Variants in DNAH11 observed in about 807,000 individuals in gnomAD.
DNAH11 encodes dynein axonemal heavy chain 11.
A neutral mutation model predicts 526.0 loss-of-function variants in DNAH11; 442 were observed. That is an observed-to-expected ratio of 0.84 (90% CI 0.78 to 0.91). The LOEUF is 0.91. Among genes scored for constraint, DNAH11 ranks in the 40% least tolerant of loss-of-function variants. The probability of loss-of-function intolerance (pLI) is 0.00; values close to 1 mark genes in which losing one functional copy is unlikely to be tolerated. For synonymous variants in DNAH11, 2,461 were observed against 1,935.9 expected, an observed-to-expected ratio of 1.27 and a Z score of -7.12; for missense variants, 6,989 against 5,448.7, an observed-to-expected ratio of 1.28 and a Z score of -8.90.
At chr7:21,749,576 C>G (rs535211110) in intron 52 of DNAH11, 102 bp from the exon 53 acceptor site, 2 of 1,494,766 alleles carry the variant, frequency 1.3e-6, no homozygotes, top group East Asian at 4.6e-5. Flanking sequence ...CCCCACAGTG[C>G]TATGGCGATA....
chr7:21,569,573 C>A (rs1483914120), intron 6 of DNAH11, among the ~76,000 whole-genome samples: 1 of 152,112 alleles, frequency 6.6e-6, no homozygotes, highest in African/African-American at 2.4e-5. Flanking sequence ...TTACTTGAGC[C>A]CCCAGAAGAG....
chr7:21,884,725 C>G, intron 76 of DNAH11, among the ~76,000 whole-genome samples: 1 of 152,176 alleles, frequency 6.6e-6, no homozygotes. Flanking sequence ...CGCTGTTATT[C>G]CCTTTTCTAG....
chr7:21,866,029 G>A (rs1352340068), intron 70 of DNAH11, among the ~76,000 whole-genome samples: 1 of 152,158 alleles, frequency 6.6e-6, no homozygotes, highest in Non-Finnish European at 1.5e-5. Flanking sequence ...CTTACTGCAA[G>A]CTGTTTTATC....
At chr7:21,713,601 CT>C (rs1156844187) in intron 42 of DNAH11, among the ~76,000 whole-genome samples, 1 of 152,150 alleles carries the variant, frequency 6.6e-6, no homozygotes, top group Non-Finnish European at 1.5e-5. Context: ...ATTTCCTCTA[CT>C]TCTTGCCCAC....
At chr7:21,606,296 C>T (rs889871765) in intron 18 of DNAH11, 130 bp from the exon 19 acceptor site, 2 of 753,770 alleles carry the variant, frequency 2.7e-6, no homozygotes, top group Non-Finnish European at 4.3e-6. Context: ...GCACTCCAGC[C>T]TAGGGGATAG....
chr7:21,664,129 C>T (rs367850811), intron 30 of DNAH11, among the ~76,000 whole-genome samples: 70 of 112,202 alleles, frequency 6.2e-4, no homozygotes, highest in African/African-American at 2.1e-3. Flanking sequence ...TCTCAATTTC[C>T]CAAAGTTTTT....
chr7:21,901,406 A>AAAATACTAGAAAC lies in DNAH11; in HGVS notation c.*153_*165dup, dbSNP rs1562615351. The AAAATACTAGAAAC allele has an allele frequency of 8.9e-7, 1 of 1,121,054 alleles. No homozygotes were observed. The highest frequency in any genetic ancestry group is 3.5e-5 in the Admixed American group (1 of 28,582). 69.4% of individuals were successfully genotyped at this position (1,121,054 alleles called of 1,614,324 possible). ...CTATCCTTAGAGTGAAAGTCAGAAA[A>AAAATACTAGAAAC]AAATACTAGAAACTAACTCAGGGCT... On this transcript the variant is annotated 3_prime_UTR_variant, in exon 82 of 82. Coordinates refer to ENST00000409508, the MANE Select transcript of DNAH11 (RefSeq NM_001277115.2).
At chr7:21,642,296 T>C (rs1787165382) in intron 28 of DNAH11, among the ~76,000 whole-genome samples, 1 of 152,116 alleles carries the variant, frequency 6.6e-6, no homozygotes. Flanking sequence ...CAAATAACCA[T>C]CCAAGAGTGA....
chr7:21,691,153 CAT>C (rs1783601255), intron 35 of DNAH11, among the ~76,000 whole-genome samples: 1 of 142,940 alleles, frequency 7.0e-6, no homozygotes, highest in Admixed American at 7.2e-5. Context: ...TTATTATAAA[CAT>C]AATCTTTCAT....
At chr7:21,698,052 T>C (rs2128477093) in intron 35 of DNAH11, 23 bp from the exon 36 acceptor site, 1 of 1,592,510 alleles carries the variant, frequency 6.3e-7, no homozygotes, top group East Asian at 2.2e-5. Flanking sequence ...ATTTTAAAAC[T>C]AAAATTCTTA....
chr7:21,856,786 A>T (rs1583779045), intron 68 of DNAH11, among the ~76,000 whole-genome samples: 1 of 18,326 alleles, frequency 5.5e-5, no homozygotes, highest in Non-Finnish European at 1.4e-4. Context: ...CAAATGAGTT[A>T]AAAAAAAAAC....
chr7:21,545,183 C>T (rs577017190), intron 2 of DNAH11, 34 bp downstream of exon 2: 20 of 1,505,374 alleles, frequency 1.3e-5, no homozygotes, highest in Middle Eastern at 1.8e-4. Flanking sequence ...AAAGCTTTCA[C>T]TTATCTCCAT....
chr7:21,786,880 G>A (rs1481994528), intron 59 of DNAH11, 113 bp downstream of exon 59: 1 of 1,412,456 alleles, frequency 7.1e-7, no homozygotes, highest in East Asian at 2.3e-5. Context: ...CATCTTCATA[G>A]TTGCTGAATG....
At chr7:21,698,263 G>A in intron 36 of DNAH11, 50 bp downstream of exon 36, 1 of 1,597,084 alleles carries the variant, frequency 6.3e-7, no homozygotes, top group East Asian at 2.2e-5. Flanking sequence ...CATTGAAAAA[G>A]CTTTTGAAGT....
At chr7:21,654,872 C>A (rs1781943757) in intron 28 of DNAH11, among the ~76,000 whole-genome samples, 1 of 152,152 alleles carries the variant, frequency 6.6e-6, no homozygotes, top group Non-Finnish European at 1.5e-5. Context: ...TCTCTCCTTT[C>A]CTCCATGACA....
chr7:21,843,968 C>G (rs1195904673), intron 66 of DNAH11, among the ~76,000 whole-genome samples: 1 of 152,170 alleles, frequency 6.6e-6, no homozygotes, highest in African/African-American at 2.4e-5. Context: ...CATTTTGGAA[C>G]TTGAAAGGAT....
chr7:21,861,962 A>C lies in DNAH11; in HGVS notation c.11312A>C (p.Tyr3771Ser). ...MESITHAVFLYTSQALFEKDK... is the reference protein window; with the variant it reads ...MESITHAVFLSTSQALFEKDK... ...AGCATCACCCATGCTGTCTTCCTCT[A>C]CACCAGCCAGGCGCTGTTTGAGAAG... Residue 3771 changes from tyrosine to serine, a missense_variant, in exon 69 of 82, where the codon TAC (tyrosine) becomes TCC (serine). By Grantham distance (144) the Tyr-to-Ser change is moderately radical. Coordinates refer to ENST00000409508, the MANE Select transcript of DNAH11 (RefSeq NM_001277115.2). 6.2e-7 allele frequency: 1 copy of C among 1,613,816 alleles called. No homozygotes were observed. The highest frequency in any genetic ancestry group is 8.5e-7 in the Non-Finnish European group (1 of 1,179,814).
At position 21,664,203 on chromosome 7, in the gene DNAH11, TTAATC is replaced by T. The variant is rs1389530974; in HGVS notation, c.5328+5174_5328+5178del. Among the ~76,000 whole-genome samples the T allele has an allele frequency of 1.5e-4, 23 of 151,994 alleles. No individual in the cohort carries two copies. In the East Asian group the frequency reaches 2.7e-3, roughly 18 times the overall value. The stretch of plus-strand genomic sequence containing the variant: ...GTCTTTTCATTGTGGTTTCTATTCT[TTAATC>T]TTATTAATTATTTTAAAGAGATGTT... On this transcript the variant is annotated intron_variant, in intron 30 of 81. Coordinates refer to ENST00000409508, the MANE Select transcript of DNAH11 (RefSeq NM_001277115.2).
intron 28 of DNAH11, among the ~76,000 whole-genome samples, chr7:21,650,649 T>C (rs1787586322): frequency 6.6e-6 from 1 of 151,660 alleles, no homozygotes; most frequent in African/African-American, 2.4e-5. Flanking sequence ...TTATTATTTT[T>C]TTCTTTGGAG....
Sources: allele counts gnomAD v4.1 joint callset (sites outside exome capture counted in the v4.1 genomes callset), GRCh38; gene constraint gnomAD v4.1.1; transcripts MANE v1.5; gene names NCBI Gene and HGNC (gene_info 2026-07-23, HGNC 2026-07-21).